Variants in ZFAT observed in about 807,000 individuals in gnomAD.
ZFAT encodes zinc finger protein ZFAT.
A neutral mutation model predicts 117.7 loss-of-function variants in ZFAT; 64 were observed. The ratio of observed to expected loss-of-function variants is 0.54; its 90% CI spans 0.44 to 0.67. The LOEUF is 0.67. Ranked by LOEUF, ZFAT falls within the 30% of genes least tolerant of loss-of-function variation. ZFAT has a pLI of 0.00. For synonymous variants in ZFAT, 679 were observed against 615.0 expected, an observed-to-expected ratio of 1.10 and a Z score of -1.54; for missense variants, 1,433 against 1,584.5, an observed-to-expected ratio of 0.90 and a Z score of 1.62.
At chr8:134,638,367 T>C (rs970469184) in intron 2 of ZFAT, among the ~76,000 whole-genome samples, 1 of 152,070 alleles carries the variant, frequency 6.6e-6, no homozygotes, top group African/African-American at 2.4e-5. Context: ...CAATTAGTGT[T>C]AATTTTTAAG....
chr8:134,603,791 G>T (rs1449132417), intron 5 of ZFAT, among the ~76,000 whole-genome samples: 1 of 152,196 alleles, frequency 6.6e-6, no homozygotes, highest in African/African-American at 2.4e-5. Flanking sequence ...GCGGGTGGGA[G>T]AGAAAGTCTG....
rs752824384 is a variant in ZFAT, at chr8:134,601,754, C to T, written c.1965G>A (p.Gly655=). 3.0e-5 allele frequency: 48 copies of T among 1,613,612 alleles called. No homozygotes were observed. Among genetic ancestry groups the T allele is most frequent in the Non-Finnish European group, 3.9e-5 (46 of 1,179,898 alleles). The change falls in exon 6 of 16, where the codon GGG becomes GGA. Residue 655 remains glycine, a synonymous_variant. Transcript: ENST00000377838. ...AAAGCACAGCCATGTTCTGCCCTTC[C>T]CCTAGGGGGCTCTGGGCGCCATGGC... The part of the protein sequence containing the change: ...QESHGAQSPL[G]EGQNMAVLSA...
chr8:134,803,518 T>C, the ZFAT span, among the ~76,000 whole-genome samples: 3 of 152,170 alleles, frequency 2.0e-5, no homozygotes, highest in Non-Finnish European at 4.4e-5. Context: ...GCCTGAAAAT[T>C]GTATTTACAA....
At chr8:134,829,772 G>A in the ZFAT span, among the ~76,000 whole-genome samples, 5 of 152,018 alleles carry the variant, frequency 3.3e-5, no homozygotes, top group Non-Finnish European at 7.4e-5. Context: ...TCACATTACT[G>A]CCCTTCTTTC....
chr8:134,754,288 C>T, the ZFAT span, among the ~76,000 whole-genome samples: 1 of 152,110 alleles, frequency 6.6e-6, no homozygotes, highest in Admixed American at 6.5e-5. Context: ...AGAACAAATA[C>T]TGAGGAGAAA....
At chr8:134,554,262 G>A (rs1823400424) in intron 11 of ZFAT, among the ~76,000 whole-genome samples, 2 of 152,182 alleles carry the variant, frequency 1.3e-5, no homozygotes, top group African/African-American at 4.8e-5. Flanking sequence ...AGAATCACAG[G>A]GGTGGAGTAT....
chr8:134,567,528 T>G (rs1475107297), intron 10 of ZFAT, among the ~76,000 whole-genome samples: 2 of 152,060 alleles, frequency 1.3e-5, no homozygotes, highest in African/African-American at 4.8e-5. Flanking sequence ...TATCCACACA[T>G]GCATCCTGAT....
the ZFAT span, among the ~76,000 whole-genome samples, chr8:134,807,681 C>T: frequency 1.8e-4 from 27 of 150,232 alleles, no homozygotes; most frequent in African/African-American, 4.2e-4. Context: ...CACCAGAAAC[C>T]GACCATGGAG....
chr8:134,580,180 CAGAGAAGTAA>C (rs1286931303), intron 10 of ZFAT, among the ~76,000 whole-genome samples: 2 of 152,092 alleles, frequency 1.3e-5, no homozygotes, highest in Admixed American at 1.3e-4. Flanking sequence ...AAGTGAGGTT[CAGAGAAGTAA>C]TCTGACCAAA....
At chr8:134,713,655 T>C (rs1814126208), upstream of ZFAT, among the ~76,000 whole-genome samples, 1 of 152,176 alleles carries the variant, frequency 6.6e-6, no homozygotes, top group Non-Finnish European at 1.5e-5. Context: ...GCTCATTCAT[T>C]TCTCTGCTTG....
At chr8:134,552,114 A>G (rs1013708988) in intron 11 of ZFAT, among the ~76,000 whole-genome samples, 7 of 152,188 alleles carry the variant, frequency 4.6e-5, no homozygotes, top group Non-Finnish European at 1.0e-4. Context: ...GTAGCACTTA[A>G]CATATTTGCT....
At chr8:134,811,437 G>C in the ZFAT span, among the ~76,000 whole-genome samples, 484 of 152,148 alleles carry the variant, frequency 3.2e-3, 5 homozygotes, top group African/African-American at 0.011. Flanking sequence ...TTTCTAGTAA[G>C]AAAGGTAACA....
intron 15 of ZFAT, among the ~76,000 whole-genome samples, chr8:134,496,851 G>A (rs1412982382): frequency 6.6e-6 from 1 of 152,184 alleles, no homozygotes; most frequent in Non-Finnish European, 1.5e-5. Flanking sequence ...GAGAGCTTCT[G>A]CCCCTCTGAA....
At chr8:134,546,436 T>C (rs964852189) in intron 11 of ZFAT, among the ~76,000 whole-genome samples, 1 of 152,144 alleles carries the variant, frequency 6.6e-6, no homozygotes, top group Non-Finnish European at 1.5e-5. Context: ...AAATGCAAGC[T>C]AGCACCAAGT....
At chr8:134,755,155 A>G in the ZFAT span, among the ~76,000 whole-genome samples, 120,801 of 151,676 alleles carry the variant, frequency 0.8, 48,456 homozygotes, top group African/African-American at 0.89. Context: ...TGTAATCCTA[A>G]CACTTTGGGA....
intron 10 of ZFAT, among the ~76,000 whole-genome samples, chr8:134,576,589 T>C (rs1825314322): frequency 6.6e-6 from 1 of 152,240 alleles, no homozygotes; most frequent in South Asian, 2.1e-4. Flanking sequence ...CATTTTCTAT[T>C]TACTTCCTGG....
chr8:134,773,104 A>C, the ZFAT span, among the ~76,000 whole-genome samples: 1,861 of 151,656 alleles, frequency 0.012, 52 homozygotes, highest in African/African-American at 0.042. Flanking sequence ...AAAAAAAAAA[A>C]AAAAAAAATA....
chr8:134,578,326 G>T (rs989469864), intron 10 of ZFAT, among the ~76,000 whole-genome samples: 1 of 149,378 alleles, frequency 6.7e-6, no homozygotes, highest in South Asian at 2.1e-4. Flanking sequence ...CAGGAGAATC[G>T]CTTGAACCTG....
At chr8:134,680,467 CAT>C (rs1833024562) in intron 1 of ZFAT, among the ~76,000 whole-genome samples, 1 of 151,880 alleles carries the variant, frequency 6.6e-6, no homozygotes, top group Non-Finnish European at 1.5e-5. Flanking sequence ...ATAAAATTAA[CAT>C]ATTTGAGTAC....
Sources: gnomAD v4.1 joint callset for allele counts (sites outside exome capture counted in the v4.1 genomes callset) on GRCh38, gnomAD v4.1.1 for gene constraint, MANE v1.5 for transcripts, NCBI Gene and HGNC (gene_info 2026-07-23, HGNC 2026-07-21) for gene names.